Variants in ATXN1 observed in about 807,000 individuals in gnomAD.
The protein encoded by ATXN1 is ataxin 1.
A neutral mutation model predicts 56.4 loss-of-function variants in ATXN1; 8 were observed. That is an observed-to-expected ratio of 0.14 (90% CI 0.08 to 0.26). ATXN1 has a LOEUF of 0.26. Among genes scored for constraint, ATXN1 ranks in the 10% least tolerant of loss-of-function variants. The pLI, the probability that ATXN1 is intolerant of heterozygous loss-of-function variation, is 1.00. For missense variants in ATXN1, 987 were observed against 1,106.5 expected, an observed-to-expected ratio of 0.89 and a Z score of 1.53; for synonymous variants, 514 against 494.6, an observed-to-expected ratio of 1.04 and a Z score of -0.52.
chr6:16,484,947 A>ATATGTGTG (rs1554109743), intron 6 of ATXN1, among the ~76,000 whole-genome samples: 4 of 126,054 alleles, frequency 3.2e-5, no homozygotes, highest in African/African-American at 8.6e-5. Context: ...CTAAATATAT[A>ATATGTGTG]TGTGTGTGTG....
chr6:16,618,498 A>G (rs1763260588), intron 3 of ATXN1, among the ~76,000 whole-genome samples: 3 of 152,236 alleles, frequency 2.0e-5, no homozygotes, highest in African/African-American at 4.8e-5. Flanking sequence ...TGGGAGGCCG[A>G]GGCAGATGGA....
intron 7 of ATXN1, among the ~76,000 whole-genome samples, chr6:16,308,322 TCA>T (rs35291830): frequency 0.33 from 43,426 of 132,106 alleles, 7,672 homozygotes; most frequent in Non-Finnish European, 0.42. Flanking sequence ...TGAAACTCCG[TCA>T]CACACACACA....
At chr6:16,723,945 G>C (rs765447945) in intron 2 of ATXN1, among the ~76,000 whole-genome samples, 3 of 152,086 alleles carry the variant, frequency 2.0e-5, no homozygotes, top group Non-Finnish European at 4.4e-5. Flanking sequence ...AAAGCATGTT[G>C]ATTCTTACAC....
chr6:16,565,996 G>C (rs1561757739), intron 4 of ATXN1, among the ~76,000 whole-genome samples: 1 of 152,128 alleles, frequency 6.6e-6, no homozygotes, highest in Admixed American at 6.5e-5. Flanking sequence ...AGCACTATCA[G>C]AACTGTTAAC....
intron 2 of ATXN1, among the ~76,000 whole-genome samples, chr6:16,742,921 T>A (rs571360899): frequency 6.6e-6 from 1 of 152,198 alleles, no homozygotes; most frequent in Non-Finnish European, 1.5e-5. Context: ...CTCTTCCAGA[T>A]AAAAGTATCT....
rs114208038 is a variant in ATXN1, at chr6:16,732,712, A to G, written c.-615+20521T>C. ...TGCATGCAGCACTTGAAAAATATTA[A>G]GCAACCAAAACATACATATGTAAAT... On this transcript the variant is annotated intron_variant, in intron 2 of 7. Coordinates refer to ENST00000436367, the MANE Select transcript of ATXN1 (RefSeq NM_001128164.2). Among the ~76,000 whole-genome samples the G allele has an allele frequency of 3.2e-3, 481 of 152,360 alleles. 3 individuals are homozygous for G. The highest frequency in any genetic ancestry group is 0.011 in the African/African-American group (471 of 41,588).
intron 3 of ATXN1, chr6:16,652,856 T>C (rs1758097770): frequency 6.6e-6 from 1 of 152,198 alleles, no homozygotes; most frequent in South Asian, 2.1e-4. Context: ...CGGTAATACC[T>C]TTCTGCTCGC....
chr6:16,359,197 G>C (rs535968393), intron 6 of ATXN1, among the ~76,000 whole-genome samples: 1 of 152,348 alleles, frequency 6.6e-6, no homozygotes, highest in Non-Finnish European at 1.5e-5. Context: ...GCAGAAAAGA[G>C]GGGAGTCCCC....
rs1369145352 is a variant in ATXN1 at position 16,387,631 on chromosome 6, C to T, written c.-160-59161G>A. 3.9e-5 allele frequency among the ~76,000 whole-genome samples: 6 copies of T among 152,156 alleles called. No homozygotes were observed. In the East Asian group the frequency reaches 7.7e-4, roughly 20 times the overall value. On this transcript the variant is annotated intron_variant, in intron 6 of 7. Transcript: ENST00000436367. ...GGAGTGCTTGTTGTGTTGTCATGAG[C>T]GGGAGAGCTCTGCATAGCAGAGGGC...
chr6:16,552,727 C>T (rs974354515), intron 4 of ATXN1, among the ~76,000 whole-genome samples: 4 of 152,204 alleles, frequency 2.6e-5, no homozygotes, highest in African/African-American at 4.8e-5. Context: ...CCTTGACTGG[C>T]GGAGCTGGCC....
intron 6 of ATXN1, among the ~76,000 whole-genome samples, chr6:16,344,885 T>C (rs1016503950): frequency 6.6e-6 from 1 of 152,244 alleles, no homozygotes; most frequent in Non-Finnish European, 1.5e-5. Context: ...CCTTAGGCAA[T>C]CATTCCTAAA....
At chr6:16,548,759 G>A (rs1339867415) in intron 4 of ATXN1, among the ~76,000 whole-genome samples, 1 of 151,796 alleles carries the variant, frequency 6.6e-6, no homozygotes, top group Non-Finnish European at 1.5e-5. Flanking sequence ...CTCCGTCTCT[G>A]CTAAAAATAC....
chr6:16,713,604 G>C (rs755366370), intron 2 of ATXN1, among the ~76,000 whole-genome samples: 10 of 152,184 alleles, frequency 6.6e-5, no homozygotes, highest in Non-Finnish European at 1.5e-4. Context: ...GAAGAAGGGG[G>C]AGCAAATATA....
chr6:16,325,645 A>T (rs1287003041), intron 7 of ATXN1, among the ~76,000 whole-genome samples: 1 of 151,636 alleles, frequency 6.6e-6, no homozygotes, highest in Admixed American at 6.6e-5. Context: ...GGTGTTCTAC[A>T]CCTCTTGGTG....
chr6:16,321,898 G>A (rs1419309088), intron 7 of ATXN1, among the ~76,000 whole-genome samples: 1 of 152,126 alleles, frequency 6.6e-6, no homozygotes, highest in Non-Finnish European at 1.5e-5. Context: ...ATTAAAAAAC[G>A]GAACCCTCTC....
In ATXN1 at chr6:16,680,713, C is replaced by T. The variant is rs575785685; in HGVS notation, c.-614-22812G>A. Among the ~76,000 whole-genome samples, 10 of 152,278 alleles carry T rather than the reference C, an allele frequency of 6.6e-5. No individual in the cohort carries two copies. The East Asian group carries it at 1.7e-3, about 26-fold the overall frequency. ...TGTTATATACAAGGCAGCCTATTGG[C>T]CACATAATTCTTAAACAACCAGAAA... is the stretch of plus-strand genomic sequence containing the variant. On this transcript the variant is annotated intron_variant, in intron 2 of 7. Transcript: ENST00000436367.
At chr6:16,617,290 G>A (rs1173353378) in intron 3 of ATXN1, among the ~76,000 whole-genome samples, 1 of 152,002 alleles carries the variant, frequency 6.6e-6, no homozygotes, top group Non-Finnish European at 1.5e-5. Flanking sequence ...GTTCAGTAAA[G>A]ACTTCCATTC....
intron 6 of ATXN1, among the ~76,000 whole-genome samples, chr6:16,379,958 C>A (rs978610807): frequency 2.0e-5 from 3 of 152,162 alleles, no homozygotes; most frequent in African/African-American, 7.2e-5. Flanking sequence ...TTAGGTGGGT[C>A]CACATGGACT....
At chr6:16,556,468 CT>C (rs1762015480) in intron 4 of ATXN1, among the ~76,000 whole-genome samples, 1 of 152,210 alleles carries the variant, frequency 6.6e-6, no homozygotes, top group African/African-American at 2.4e-5. Flanking sequence ...AGACTTCCCA[CT>C]CATAAACTCC....
Sources: gnomAD v4.1 joint callset for allele counts (sites outside exome capture counted in the v4.1 genomes callset) on GRCh38, gnomAD v4.1.1 for gene constraint, MANE v1.5 for transcripts, NCBI Gene and HGNC (gene_info 2026-07-23, HGNC 2026-07-21) for gene names.